The following CMIP variants were observed in gnomAD, a reference collection of about 807,000 sequenced individuals.
CMIP encodes the protein c-Maf inducing protein.
CMIP carries 13 observed loss-of-function variants against 97.3 expected under a neutral mutation model. The ratio of observed to expected loss-of-function variants is 0.13; its 90% CI spans 0.09 to 0.21. The LOEUF (loss-of-function observed/expected upper bound fraction) is 0.21, where lower values mean the gene tolerates loss of function less well. Among genes scored for constraint, CMIP ranks in the 10% least tolerant of loss-of-function variants. The pLI is 1.00. For missense variants in CMIP, 847 were observed against 1,024.9 expected (o/e 0.83, Z 2.37); for synonymous variants, 538 against 436.3 (o/e 1.23, Z -2.91).
rs758360070 is a variant in CMIP, at chr16:81,693,124, T to A, written c.1455-34T>A. 4 of 1,599,252 alleles carry A rather than the reference T, an allele frequency of 2.5e-6. No individual in the cohort carries two copies. The South Asian group carries it at 3.3e-5, about 13-fold the overall frequency. On this transcript the variant is annotated intron_variant, in intron 11 of 20. Coordinates refer to ENST00000537098, the MANE Select transcript of CMIP (RefSeq NM_198390.3). Reference sequence around the variant, plus strand: ...CATTGTGCTGTTTCCGACGCTTCTGTTAACCGCCGTGTTTTCCCCTGTTTT... The same window carrying A: ...CATTGTGCTGTTTCCGACGCTTCTGATAACCGCCGTGTTTTCCCCTGTTTT...
At chr16:81,546,673 T>A (rs1396576421) in intron 1 of CMIP, among the ~76,000 whole-genome samples, 1 of 151,722 alleles carries the variant, frequency 6.6e-6, no homozygotes, top group Non-Finnish European at 1.5e-5. Flanking sequence ...TCGTGCGGGG[T>A]GAGAAAGGAG....
chr16:81,513,270 C>T (rs190815149), intron 1 of CMIP, among the ~76,000 whole-genome samples: 1 of 152,368 alleles, frequency 6.6e-6, no homozygotes, highest in African/African-American at 2.4e-5. Flanking sequence ...GTGGGGCTTC[C>T]TGCCAGCAGG....
chr16:81,450,446 A>T (rs1906137457), intron 1 of CMIP, among the ~76,000 whole-genome samples: 1 of 152,044 alleles, frequency 6.6e-6, no homozygotes, highest in African/African-American at 2.4e-5. Context: ...ATCCTTAGGG[A>T]GAGCACCTCA....
intron 3 of CMIP, among the ~76,000 whole-genome samples, chr16:81,626,400 C>T (rs534727188): frequency 8.3e-5 from 12 of 144,384 alleles, no homozygotes; most frequent in East Asian, 4.2e-4. Flanking sequence ...GTGTGTGTGG[C>T]GTGTGGGGTG....
chr16:81,686,963 G>A (rs1905465814), intron 10 of CMIP, among the ~76,000 whole-genome samples: 1 of 151,894 alleles, frequency 6.6e-6, no homozygotes, highest in Admixed American at 6.5e-5. Context: ...TGTCAGCGGG[G>A]CATCTCTCTG....
chr16:81,683,756 CTTTTTTTTTTTTT>C (rs71272426), intron 10 of CMIP, among the ~76,000 whole-genome samples: 3 of 81,612 alleles, frequency 3.7e-5, no homozygotes, highest in Non-Finnish European at 7.0e-5. Flanking sequence ...TTTTCTTTTT[CTTTTTTTTTTTTT>C]TTTTTTTTTT....
At chr16:81,688,696 A>G (rs765090969) in intron 10 of CMIP, among the ~76,000 whole-genome samples, 2 of 152,110 alleles carry the variant, frequency 1.3e-5, no homozygotes, top group Non-Finnish European at 2.9e-5. Context: ...TCTAGGGTAC[A>G]TGTGCACAAT....
chr16:81,679,927 C>T (rs892852653), intron 10 of CMIP, among the ~76,000 whole-genome samples: 1 of 152,202 alleles, frequency 6.6e-6, no homozygotes, highest in Non-Finnish European at 1.5e-5. Flanking sequence ...CTCAGGTCTG[C>T]AGACACTCAG....
chr16:81,537,673 C>T (rs988790191), intron 1 of CMIP, among the ~76,000 whole-genome samples: 1 of 151,926 alleles, frequency 6.6e-6, no homozygotes, highest in African/African-American at 2.4e-5. Flanking sequence ...CGAGACCAGC[C>T]TGGTCCATAT....
intron 1 of CMIP, among the ~76,000 whole-genome samples, chr16:81,568,342 G>C (rs1333844690): frequency 6.6e-6 from 1 of 152,128 alleles, no homozygotes; most frequent in African/African-American, 2.4e-5. Context: ...CCTGCCCTCT[G>C]CCCACTGAAA....
At position 81,701,758 on chromosome 16, in the gene CMIP, G is replaced by C. The variant is rs371636797; in HGVS notation, c.1854G>C (p.Met618Ile). The change falls in exon 16 of 21, where the codon ATG (methionine) becomes ATC (isoleucine). Residue 618 changes from methionine (M) to isoleucine (I), a missense_variant. Around this residue, in one of 4 missense-constraint regions of CMIP, gnomAD observed 266 missense variants for 384.2 expected, o/e 0.69. Transcript: ENST00000537098. ...AGAGCACAGACGTGGGGAAGCGCAT[G>C]TACGAGCAGCTGTGTGACCGGCAGC... The part of the protein sequence containing the change: ...TLESTDVGKR[M>I]YEQLCDRQRE... 2.5e-6 allele frequency: 4 copies of C among 1,613,740 alleles called. No homozygotes were observed. The highest frequency in any genetic ancestry group is 3.4e-6 in the Non-Finnish European group (4 of 1,179,896).
intron 2 of CMIP, among the ~76,000 whole-genome samples, chr16:81,608,191 G>A (rs1228886059): frequency 1.3e-5 from 2 of 152,216 alleles, no homozygotes; most frequent in Non-Finnish European, 2.9e-5. Flanking sequence ...TGGTCAGGAC[G>A]TTTGGTTGGA....
intron 1 of CMIP, among the ~76,000 whole-genome samples, chr16:81,532,697 GA>G (rs2150825276): frequency 6.6e-6 from 1 of 152,324 alleles, no homozygotes; most frequent in East Asian, 1.9e-4. Context: ...AGCCTCCAAG[GA>G]AGGTGGAGGT....
chr16:81,686,268 A>G (rs1905374450), intron 10 of CMIP, among the ~76,000 whole-genome samples: 1 of 152,202 alleles, frequency 6.6e-6, no homozygotes, highest in South Asian at 2.1e-4. Flanking sequence ...AAGACAAGCT[A>G]GCTGCAAAAA....
rs79451650 is a variant in CMIP, at chr16:81,478,882, G to C, written c.300+33341G>C. 4.8e-3 allele frequency among the ~76,000 whole-genome samples: 727 copies of C among 152,242 alleles called. 2 individuals carry two copies. The highest frequency in any genetic ancestry group is 8.2e-3 in the Non-Finnish European group (559 of 68,012). On this transcript the variant is annotated intron_variant, in intron 1 of 20. Coordinates refer to ENST00000537098, the MANE Select transcript of CMIP (RefSeq NM_198390.3). ...CTGGGTCTTTCTTCCCCACCTCCCAGCCAGAAATTGCCTCCTGGAGCCAGC... is the reference window on the plus strand; with the variant it reads ...CTGGGTCTTTCTTCCCCACCTCCCACCCAGAAATTGCCTCCTGGAGCCAGC...
chr16:81,534,274 A>G (rs1249561020), intron 1 of CMIP, among the ~76,000 whole-genome samples: 2 of 152,232 alleles, frequency 1.3e-5, no homozygotes, highest in African/African-American at 4.8e-5. Flanking sequence ...GATTTGTTCC[A>G]TTAAACCTCA....
intron 7 of CMIP, among the ~76,000 whole-genome samples, chr16:81,669,538 C>T (rs570427447): frequency 1.0e-4 from 15 of 144,828 alleles, no homozygotes; most frequent in East Asian, 8.4e-4. Flanking sequence ...TCACACTCAC[C>T]TCCTTCCACA....
intron 10 of CMIP, among the ~76,000 whole-genome samples, chr16:81,689,822 A>C (rs1006775848): frequency 2.0e-5 from 3 of 152,178 alleles, no homozygotes; most frequent in Non-Finnish European, 2.9e-5. Flanking sequence ...ATCTTGAATT[A>C]ATTTTTGCAT....
chr16:81,693,039 C>G (rs1161949989), intron 11 of CMIP, 119 bp from the exon 12 acceptor site: 5 of 732,566 alleles, frequency 6.8e-6, no homozygotes, highest in South Asian at 1.7e-5. Flanking sequence ...CACTCACATT[C>G]CTCTTCATTC....
Sources: allele counts gnomAD v4.1 joint callset (sites outside exome capture counted in the v4.1 genomes callset), GRCh38; gene constraint gnomAD v4.1.1; regional missense constraint gnomAD v4.1.1; transcripts MANE v1.5; gene names NCBI Gene and HGNC (gene_info 2026-07-23, HGNC 2026-07-21).